PDE10A: variants seen among roughly 807,000 people sequenced by gnomAD.
PDE10A encodes the protein phosphodiesterase 10A.
A neutral mutation model predicts 97.7 loss-of-function variants in PDE10A; 39 were observed. That is an observed-to-expected ratio of 0.40 (90% CI 0.31 to 0.52). PDE10A has a LOEUF of 0.52. PDE10A is among the 20% of genes least tolerant of loss of function. The pLI is 0.56. For missense variants in PDE10A, 731 were observed against 1,047.8 expected, an observed-to-expected ratio of 0.70 and a Z score of 4.17; for synonymous variants, 371 against 376.8, an observed-to-expected ratio of 0.98 and a Z score of 0.18.
intron 1 of PDE10A, among the ~76,000 whole-genome samples, chr6:165,697,837 A>G (rs758510869): frequency 2.6e-5 from 4 of 152,228 alleles, no homozygotes; most frequent in Non-Finnish European, 4.4e-5. Flanking sequence ...CTGTGCAGTT[A>G]AATATAGGTA....
chr6:165,490,498 C>T (rs1780166419), intron 2 of PDE10A, among the ~76,000 whole-genome samples: 1 of 152,136 alleles, frequency 6.6e-6, no homozygotes, highest in African/African-American at 2.4e-5. Flanking sequence ...AATAGAACCT[C>T]TCTAAAGCCT....
chr6:165,537,368 T>C (rs1451527613), intron 2 of PDE10A, among the ~76,000 whole-genome samples: 1 of 151,980 alleles, frequency 6.6e-6, no homozygotes, highest in Non-Finnish European at 1.5e-5. Flanking sequence ...TAGTATTTGG[T>C]AGCACAATAG....
At chr6:165,477,180 GGGATGT>G (rs1306489227) in intron 3 of PDE10A, among the ~76,000 whole-genome samples, 1 of 152,066 alleles carries the variant, frequency 6.6e-6, no homozygotes, top group African/African-American at 2.4e-5. Flanking sequence ...TATGCCTCCA[GGGATGT>G]GCCAAGCATA....
intron 3 of PDE10A, among the ~76,000 whole-genome samples, chr6:165,461,554 G>A (rs553196935): frequency 2.6e-5 from 4 of 152,216 alleles, no homozygotes; most frequent in South Asian, 2.1e-4. Context: ...GGTTCATTCC[G>A]CACAGTTAAT....
intron 1 of PDE10A, among the ~76,000 whole-genome samples, chr6:165,547,769 C>G (rs1284239914): frequency 6.6e-6 from 1 of 152,072 alleles, no homozygotes; most frequent in Non-Finnish European, 1.5e-5. Context: ...TAATGCAAAA[C>G]ATCAGTAAAA....
rs554166775 is a variant in PDE10A at position 165,459,214 on chromosome 6, A to T, written c.1024-8852T>A. ...ACTTCCTCCATGTGAACATGAGATC[A>T]AAGACTTATCTTGATCCGCTATTAC... On this transcript the variant is annotated intron_variant, in intron 3 of 21. Coordinates refer to ENST00000539869, the MANE Select transcript of PDE10A (RefSeq NM_001385079.1). Among the ~76,000 whole-genome samples, 6 of 152,272 alleles carry T rather than the reference A, an allele frequency of 3.9e-5. No individual in the cohort carries two copies. In the East Asian group the frequency reaches 1.2e-3, roughly 29 times the overall value.
chr6:165,640,276 C>A (rs1055998974), intron 1 of PDE10A, among the ~76,000 whole-genome samples: 1 of 151,612 alleles, frequency 6.6e-6, no homozygotes, highest in African/African-American at 2.4e-5. Flanking sequence ...GCCTGCCTTT[C>A]TGTTTCTGTT....
chr6:165,374,760 T>G (rs531951658), intron 18 of PDE10A, among the ~76,000 whole-genome samples: 5 of 151,950 alleles, frequency 3.3e-5, no homozygotes, highest in South Asian at 4.2e-4. Flanking sequence ...TTTTGGTTTT[T>G]TTTTTTTTTT....
chr6:165,614,658 T>C (rs1787643849), intron 1 of PDE10A, among the ~76,000 whole-genome samples: 1 of 152,198 alleles, frequency 6.6e-6, no homozygotes, highest in South Asian at 2.1e-4. Flanking sequence ...ACCAGGACTA[T>C]CTTTATTTTG....
At chr6:165,396,597 C>T in intron 13 of PDE10A, 138 bp from the exon 14 acceptor site, 1 of 778,640 alleles carries the variant, frequency 1.3e-6, no homozygotes, top group South Asian at 2.0e-5. Context: ...ATCCGTATTT[C>T]CATATGCACT....
chr6:165,680,798 C>T (rs976784743), intron 1 of PDE10A, among the ~76,000 whole-genome samples: 2 of 152,108 alleles, frequency 1.3e-5, no homozygotes, highest in South Asian at 2.1e-4. Context: ...CAGCTACTAT[C>T]GCTCGAACCC....
chr6:165,459,015 C>T (rs1386489335), intron 3 of PDE10A, among the ~76,000 whole-genome samples: 2 of 152,120 alleles, frequency 1.3e-5, no homozygotes, highest in Non-Finnish European at 1.5e-5. Context: ...TTCCCTCAGC[C>T]CGTCTTGTGT....
At chr6:165,875,323 C>T (rs1002683591) in intron 1 of PDE10A, among the ~76,000 whole-genome samples, 5 of 152,148 alleles carry the variant, frequency 3.3e-5, no homozygotes, top group Non-Finnish European at 7.3e-5. Flanking sequence ...GCCATGGAAA[C>T]TCATGGAAAT....
intron 2 of PDE10A, among the ~76,000 whole-genome samples, chr6:165,523,201 A>C (rs1782233813): frequency 6.6e-6 from 1 of 152,192 alleles, no homozygotes; most frequent in Admixed American, 6.5e-5. Context: ...CACCCAAAGT[A>C]ATCTACAGAT....
At chr6:165,435,064 G>A (rs906918313) in intron 6 of PDE10A, among the ~76,000 whole-genome samples, 173 bp downstream of exon 6, 1 of 152,164 alleles carries the variant, frequency 6.6e-6, no homozygotes, top group Non-Finnish European at 1.5e-5. Context: ...AGTGGGTAAA[G>A]GGAATTTTCT....
At chr6:165,431,635 T>C (rs9457091) in intron 7 of PDE10A, among the ~76,000 whole-genome samples, 163 bp from the exon 8 acceptor site, 47,153 of 135,044 alleles carry the variant, frequency 0.35, 7,607 homozygotes, top group Middle Eastern at 0.45. Context: ...TATATATATA[T>C]ACACACACAC....
Position 165,943,342 on chromosome 6 carries a change from A to AAAAG in PDE10A, c.-615+44183_-615+44186dup, listed in dbSNP as rs1554343634. Among the ~76,000 whole-genome samples the AAAAG allele has an allele frequency of 7.5e-4, 82 of 109,964 alleles. 7 individuals are homozygous for AAAAG. The highest frequency in any genetic ancestry group is 3.6e-3 in the African/African-American group (77 of 21,610). The allele number at this position is 109,964 out of a possible 152,430, so 72.1% of individuals were successfully genotyped here. On this transcript the variant is annotated intron_variant, in intron 1 of 19. Transcript: ENST00000366882. ...AGGAAAGAAAGAAAAAGAAAGAAAGAAAAGAGAAAGAAAGAAAGAGAAAGA... is the reference window on the plus strand; with the variant it reads ...AGGAAAGAAAGAAAAAGAAAGAAAGAAAAGAAAGAGAAAGAAAGAAAGAGAAAGA...
chr6:165,464,100 C>T lies in PDE10A; in HGVS notation c.1024-13738G>A, dbSNP rs1380430471. Among the ~76,000 whole-genome samples, 2 of 152,156 alleles carry T rather than the reference C, an allele frequency of 1.3e-5. 1 individual carries two copies. Among genetic ancestry groups the T allele is most frequent in the African/African-American group, 4.8e-5 (2 of 41,452 alleles). On this transcript the variant is annotated intron_variant, in intron 3 of 21. Coordinates refer to ENST00000539869, the MANE Select transcript of PDE10A (RefSeq NM_001385079.1). ...AGACCCCTGATTTCCCACTTCACAC[C>T]TCCATATTTCTTTGTGTGTGTCTTT...
chr6:165,459,576 TAG>T (rs1193854950), intron 3 of PDE10A, among the ~76,000 whole-genome samples: 5 of 115,630 alleles, frequency 4.3e-5, no homozygotes, highest in South Asian at 2.4e-4. Context: ...TAGATAATGA[TAG>T]ATATATATAT....
Sources: gnomAD v4.1 joint callset for allele counts (sites outside exome capture counted in the v4.1 genomes callset) on GRCh38, gnomAD v4.1.1 for gene constraint, MANE v1.5 for transcripts, NCBI Gene and HGNC (gene_info 2026-07-23, HGNC 2026-07-21) for gene names.